The following LDLRAD4 variants were observed in gnomAD, a reference collection of about 807,000 sequenced individuals.
LDLRAD4 encodes low-density lipoprotein receptor class A domain-containing protein 4.
In LDLRAD4, 5 loss-of-function variants were observed where a neutral mutation model predicts 17.0. The ratio of observed to expected loss-of-function variants is 0.29; its 90% CI spans 0.15 to 0.62. The LOEUF (loss-of-function observed/expected upper bound fraction) is 0.62. LDLRAD4 is among the 20% of genes least tolerant of loss of function. LDLRAD4 has a pLI of 0.84. For missense variants in LDLRAD4, 340 were observed against 424.7 expected (o/e 0.80, Z 1.75); for synonymous variants, 168 against 171.8 (o/e 0.98, Z 0.17).
intron 1 of LDLRAD4, among the ~76,000 whole-genome samples, chr18:13,370,365 T>A (rs2084369727): frequency 6.6e-6 from 1 of 152,228 alleles, no homozygotes; most frequent in Non-Finnish European, 1.5e-5. Flanking sequence ...GGGCTTGTGG[T>A]CTCTGTTGCT....
At chr18:13,333,899 C>T (rs2081982548) in intron 1 of LDLRAD4, among the ~76,000 whole-genome samples, 1 of 152,152 alleles carries the variant, frequency 6.6e-6, no homozygotes, top group African/African-American at 2.4e-5. Context: ...TTTGCCCCTC[C>T]TTGTAAATTT....
intron 1 of LDLRAD4, among the ~76,000 whole-genome samples, chr18:13,317,836 A>G (rs549116511): frequency 6.6e-6 from 1 of 152,218 alleles, no homozygotes; most frequent in African/African-American, 2.4e-5. Context: ...CTATTTTTGT[A>G]TTTTCTCCAA....
intron 3 of LDLRAD4, among the ~76,000 whole-genome samples, chr18:13,527,969 T>C (rs2094060340): frequency 6.6e-6 from 1 of 152,146 alleles, no homozygotes; most frequent in African/African-American, 2.4e-5. Flanking sequence ...CTGCCTCCAT[T>C]TCTCTGTCGG....
chr18:13,597,617 A>G (rs1489792842), intron 3 of LDLRAD4, among the ~76,000 whole-genome samples: 1 of 151,202 alleles, frequency 6.6e-6, no homozygotes, highest in East Asian at 1.9e-4. Flanking sequence ...TTTCTCTTCA[A>G]TCATTTTTCT....
chr18:13,572,785 T>C (rs2148358718), intron 3 of LDLRAD4, among the ~76,000 whole-genome samples: 1 of 152,338 alleles, frequency 6.6e-6, no homozygotes, highest in East Asian at 1.9e-4. Flanking sequence ...AAAGTGATCA[T>C]TTTTACGGGG....
intron 3 of LDLRAD4, among the ~76,000 whole-genome samples, chr18:13,580,180 T>G (rs2094836852): frequency 6.6e-6 from 1 of 152,212 alleles, no homozygotes; most frequent in South Asian, 2.1e-4. Context: ...GTGCATACTG[T>G]GCACACTCCC....
At chr18:13,245,793 G>A (rs1001437915) in intron 1 of LDLRAD4, among the ~76,000 whole-genome samples, 1 of 152,192 alleles carries the variant, frequency 6.6e-6, no homozygotes, top group Non-Finnish European at 1.5e-5. Flanking sequence ...TCTGCCACCT[G>A]GTGTGCATGC....
chr18:13,429,742 C>T (rs1432557084), intron 2 of LDLRAD4, among the ~76,000 whole-genome samples: 1 of 152,126 alleles, frequency 6.6e-6, no homozygotes, highest in African/African-American at 2.4e-5. Flanking sequence ...GGAAGCCTCC[C>T]CTGCATGCAG....
intron 3 of LDLRAD4, among the ~76,000 whole-genome samples, chr18:13,441,834 C>G (rs1163776257): frequency 6.6e-6 from 1 of 152,192 alleles, no homozygotes; most frequent in African/African-American, 2.4e-5. Context: ...TTTCATCTGC[C>G]TTTTGCCTCT....
At chr18:13,260,732 G>A (rs1429266498) in intron 1 of LDLRAD4, among the ~76,000 whole-genome samples, 2 of 151,930 alleles carry the variant, frequency 1.3e-5, no homozygotes, top group East Asian at 3.8e-4. Flanking sequence ...ATCTTCTCTC[G>A]CATAGACATC....
exon 2 of LDLRAD4, chr18:13,387,686 C>G: frequency 6.2e-7 from 1 of 1,609,420 alleles, no homozygotes; most frequent in East Asian, 2.2e-5. Flanking sequence ...GACGGGACAG[C>G]GCAAGAGTTG....
chr18:13,260,961 T>C (rs1430084502), intron 1 of LDLRAD4, among the ~76,000 whole-genome samples: 2 of 152,250 alleles, frequency 1.3e-5, no homozygotes, highest in African/African-American at 4.8e-5. Context: ...TTGGGACTAA[T>C]GTGTCTGAAG....
At chr18:13,318,757 G>C (rs186035144) in intron 1 of LDLRAD4, among the ~76,000 whole-genome samples, 141 of 152,286 alleles carry the variant, frequency 9.3e-4, no homozygotes, top group Non-Finnish European at 8.4e-4. Context: ...CTGTGTCACT[G>C]TGGTGCTGCC....
In LDLRAD4 at chr18:13,507,301, C is replaced by T. The variant is rs1258835969; in HGVS notation, c.181+68917C>T. On this transcript the variant is annotated intron_variant, in intron 3 of 5. Coordinates refer to ENST00000359446, the Ensembl canonical transcript of LDLRAD4. Reference sequence around the variant, plus strand: ...GTGTATGCTGTACCCGATATTTAGTCTTTTATCTCTTACCCTCCTCCCAAC... The same window carrying T: ...GTGTATGCTGTACCCGATATTTAGTTTTTTATCTCTTACCCTCCTCCCAAC... Among the ~76,000 whole-genome samples, 5 of 152,124 alleles carry T rather than the reference C, an allele frequency of 3.3e-5. No individual in the cohort carries two copies. The East Asian group carries it at 9.6e-4, about 29-fold the overall frequency.
rs186145992 is a variant in LDLRAD4, at chr18:13,545,217, G to A, written c.182-75900G>A. ...TGGCTCCAGGACTCTGAAGGGCTGC[G>A]TGTTTTTGATCTTGCTCCCCGAGCC... On this transcript the variant is annotated intron_variant, in intron 3 of 5. Transcript: ENST00000359446. 7.8e-3 allele frequency among the ~76,000 whole-genome samples: 1,180 copies of A among 152,202 alleles called. 66 individuals carry two copies. Among genetic ancestry groups the A allele is most frequent in the Admixed American group, 0.064 (981 of 15,290 alleles).
Position 13,367,794 on chromosome 18 carries a change from C to T in LDLRAD4, c.-382-19547C>T, listed in dbSNP as rs545393922. ...GAGGGGACAGCGGGGCCTGGGGGCA[C>T]GTGCTTTCAGGGGATGTACTGAGAG... On this transcript the variant is annotated intron_variant, in intron 1 of 5. Coordinates refer to ENST00000359446, the Ensembl canonical transcript of LDLRAD4. This position sits in a 1 kb window ranked among gnomAD's most constrained non-coding sequence, Gnocchi z 4.1. Among the ~76,000 whole-genome samples the T allele has an allele frequency of 1.3e-4, 19 of 144,548 alleles. No individual in the cohort carries two copies. Among genetic ancestry groups the T allele is most frequent in the African/African-American group, 4.4e-4 (17 of 38,478 alleles). 94.8% of individuals were successfully genotyped at this position (144,548 alleles called of 152,430 possible). A position where few individuals can be genotyped will look rare whatever the true frequency, so the allele number is the denominator to read the frequency against.
chr18:13,263,104 G>T (rs1320956897), intron 1 of LDLRAD4, among the ~76,000 whole-genome samples: 1 of 143,984 alleles, frequency 6.9e-6, no homozygotes, highest in Non-Finnish European at 1.5e-5. Context: ...CTGTTTGCGT[G>T]GAAACTGAGT....
intron 1 of LDLRAD4, among the ~76,000 whole-genome samples, chr18:13,272,663 C>T (rs925657067): frequency 2.0e-5 from 3 of 152,322 alleles, no homozygotes; most frequent in Admixed American, 6.5e-5. Flanking sequence ...AGGACACAGG[C>T]GGTCATGCTT....
Position 13,233,363 on chromosome 18 carries a change from G to A in LDLRAD4, c.-467+14375G>A, listed in dbSNP as rs369346344. On this transcript the variant is annotated intron_variant, in intron 1 of 5. Coordinates refer to the LDLRAD4 transcript ENST00000399848. ...GCTTGCTCTTGGGTTGGCAAGGTTG[G>A]CAGAGGGGCCCACTGCTCAGAGCCC... Among the ~76,000 whole-genome samples, 20 of 152,338 alleles carry A rather than the reference G, an allele frequency of 1.3e-4. No homozygotes were observed. The South Asian group carries it at 3.7e-3, about 28-fold the overall frequency.
Sources: allele counts gnomAD v4.1 joint callset (sites outside exome capture counted in the v4.1 genomes callset), GRCh38; gene constraint gnomAD v4.1.1; non-coding constraint Gnocchi (gnomAD v3.1); transcripts MANE v1.5; gene names NCBI Gene and HGNC (gene_info 2026-07-23, HGNC 2026-07-21).